The following NPTXR variants were observed in gnomAD, a reference collection of about 807,000 sequenced individuals.
NPTXR encodes neuronal pentraxin receptor.
A neutral mutation model predicts 32.2 loss-of-function variants in NPTXR; 12 were observed. The observed-to-expected ratio is 0.37, with a 90% confidence interval of 0.24 to 0.60. NPTXR has a LOEUF of 0.60. Among genes scored for constraint, NPTXR ranks in the 20% least tolerant of loss-of-function variants. NPTXR has a pLI of 0.66. For missense variants in NPTXR, 612 were observed against 682.9 expected, an observed-to-expected ratio of 0.90 and a Z score of 1.16; for synonymous variants, 323 against 315.8, an observed-to-expected ratio of 1.02 and a Z score of -0.24.
Position 38,843,705 on chromosome 22 carries a change from A to G in NPTXR, c.154T>C (p.Ser52Pro), listed in dbSNP as rs2146202180. The G allele has an allele frequency of 1.0e-6, 1 of 992,880 alleles. No individual in the cohort carries two copies. The highest frequency in any genetic ancestry group is 4.6e-5 in the South Asian group (1 of 21,958). The allele number at this position is 992,880 out of a possible 1,614,324, so 61.5% of individuals were successfully genotyped here. Residue 52 changes from serine (S) to proline (P), a missense_variant, in exon 1 of 5, where the codon TCC (serine) becomes CCC (proline). Physicochemically the swap from Ser to Pro is moderately conservative, Grantham distance 74 (BLOSUM62 -1). Transcript: ENST00000333039. This position sits in a 1 kb window ranked among gnomAD's most constrained non-coding sequence, Gnocchi z 5.3. ...CTCAGGCTCCGCTGCGGGCCCGGGG[A>G]CGCGGCGGCGCCCGAGGCGACCGAA...
At chr22:38,842,734 A>T (rs1479052081) in intron 1 of NPTXR, among the ~76,000 whole-genome samples, 1 of 152,104 alleles carries the variant, frequency 6.6e-6, no homozygotes, top group Non-Finnish European at 1.5e-5. Flanking sequence ...GGTTTGTCTT[A>T]TAGGGCACTC....
intron 1 of NPTXR, among the ~76,000 whole-genome samples, chr22:38,833,984 C>G (rs2054096305): frequency 6.6e-6 from 1 of 152,108 alleles, no homozygotes. Flanking sequence ...AGTATTTATG[C>G]CTTTTTGCCC....
chr22:38,843,589 C>T lies in NPTXR; in HGVS notation c.270G>A (p.Leu90=). 1 of 1,200,296 alleles carries T rather than the reference C, an allele frequency of 8.3e-7. No individual in the cohort carries two copies. The highest frequency in any genetic ancestry group is 1.0e-6 in the Non-Finnish European group (1 of 968,172). 74.4% of individuals were successfully genotyped at this position (1,200,296 alleles called of 1,614,324 possible). A position where few individuals can be genotyped will look rare whatever the true frequency, so the allele number is the denominator to read the frequency against. Residue 90 remains leucine, a synonymous_variant, in exon 1 of 5, where the codon CTG becomes CTA. Coordinates refer to ENST00000333039, the MANE Select transcript of NPTXR (RefSeq NM_014293.4). The surrounding 1 kb of genome is among the most constrained non-coding windows in gnomAD (Gnocchi z 5.3). ...GCGGCGTGCACAGGAAGCGGCTGAA[C>T]AGGGGCCCGGGCGGCAGCGGGTGCG...
chr22:38,824,735 T>C (rs2093103688), intron 3 of NPTXR, among the ~76,000 whole-genome samples: 1 of 152,098 alleles, frequency 6.6e-6, no homozygotes, highest in Non-Finnish European at 1.5e-5. Context: ...GTGCTGAACT[T>C]GGGCCAGGCC....
At chr22:38,841,127 C>T (rs1023337194) in intron 1 of NPTXR, among the ~76,000 whole-genome samples, 16 of 152,336 alleles carry the variant, frequency 1.1e-4, no homozygotes, top group African/African-American at 3.6e-4. Context: ...CATGGGACTC[C>T]GCTGAGCCAA....
At position 38,843,177 on chromosome 22, in the gene NPTXR, C is replaced by A; in HGVS notation, c.624+58G>T. The A allele has an allele frequency of 1.6e-6, 2 of 1,257,776 alleles. No homozygotes were observed. Among genetic ancestry groups the A allele is most frequent in the South Asian group, 2.8e-5 (1 of 36,228 alleles). 77.9% of individuals were successfully genotyped at this position (1,257,776 alleles called of 1,614,324 possible). On this transcript the variant is annotated intron_variant, in intron 1 of 4. Transcript: ENST00000333039. The surrounding 1 kb of genome is among the most constrained non-coding windows in gnomAD (Gnocchi z 5.3). ...AGGCTCGGGGACCGCCGGACGACCG[C>A]GGCCGGGCGGCCCCTCACACCACCC...
chr22:38,835,387 G>C (rs889896933), intron 1 of NPTXR, among the ~76,000 whole-genome samples: 16 of 152,218 alleles, frequency 1.1e-4, no homozygotes, highest in African/African-American at 3.9e-4. Flanking sequence ...TCCTACCCAG[G>C]TGGGGAACAG....
At chr22:38,839,245 C>T (rs1292698923) in intron 1 of NPTXR, among the ~76,000 whole-genome samples, 8 of 152,206 alleles carry the variant, frequency 5.3e-5, no homozygotes, top group African/African-American at 1.9e-4. Flanking sequence ...CCGTTGTATA[C>T]ATACATTAAA....
intron 1 of NPTXR, among the ~76,000 whole-genome samples, chr22:38,840,549 G>A (rs2093130359): frequency 6.6e-6 from 1 of 152,024 alleles, no homozygotes; most frequent in African/African-American, 2.4e-5. Context: ...ATCAGAACTG[G>A]GGGGAGAGGG....
chr22:38,830,301 T>G (rs1229368726), intron 1 of NPTXR, among the ~76,000 whole-genome samples: 1 of 151,746 alleles, frequency 6.6e-6, no homozygotes, highest in Non-Finnish European at 1.5e-5. Context: ...AATGATGGCG[T>G]GTAAGGGAAG....
chr22:38,826,878 T>C, intron 2 of NPTXR, 131 bp from the exon 3 acceptor site: 1 of 1,014,830 alleles, frequency 9.9e-7, no homozygotes, highest in Non-Finnish European at 1.4e-6. Context: ...TTCAGGGCTC[T>C]CTCTGCTCCA....
At chr22:38,832,012 C>T (rs1349186858) in intron 1 of NPTXR, among the ~76,000 whole-genome samples, 1 of 152,164 alleles carries the variant, frequency 6.6e-6, no homozygotes, top group Non-Finnish European at 1.5e-5. Context: ...GGGAGGAAGA[C>T]TTGCCAGGAA....
In NPTXR at chr22:38,822,966, G is replaced by T. The variant is rs932732128; in HGVS notation, c.1278+117C>A. 12 of 1,464,484 alleles carry T rather than the reference G, an allele frequency of 8.2e-6. No individual in the cohort carries two copies. In the African/African-American group the frequency reaches 1.5e-4, roughly 19 times the overall value. The allele number at this position is 1,464,484 out of a possible 1,614,324, so 90.7% of individuals were successfully genotyped here. The stretch of plus-strand genomic sequence containing the variant: ...ACCCCACTGAAGCCCCACCGCCAAC[G>T]CTCTAGCCCCACCTTCAAGATTCTA... On this transcript the variant is annotated intron_variant, in intron 4 of 4. Coordinates refer to ENST00000333039, the MANE Select transcript of NPTXR (RefSeq NM_014293.4).
chr22:38,838,792 AG>A (rs2093128096), intron 1 of NPTXR, among the ~76,000 whole-genome samples: 1 of 151,948 alleles, frequency 6.6e-6, no homozygotes, highest in South Asian at 2.1e-4. Flanking sequence ...CGTGTTAGCC[AG>A]GATGGTCTCG....
In NPTXR at chr22:38,832,558, C is replaced by T. The variant is rs112097192; in HGVS notation, c.625-4046G>A. On this transcript the variant is annotated intron_variant, in intron 1 of 4. Coordinates refer to ENST00000333039, the MANE Select transcript of NPTXR (RefSeq NM_014293.4). The stretch of plus-strand genomic sequence containing the variant: ...TGCTAACGGCAGCAGCTGTCTCCAT[C>T]GAGCACTCGCTGCATGCCAGGCCCC... Among the ~76,000 whole-genome samples the T allele has an allele frequency of 2.1e-3, 315 of 152,326 alleles. 2 individuals carry two copies. Among genetic ancestry groups the T allele is most frequent in the African/African-American group, 7.2e-3 (299 of 41,570 alleles).
At chr22:38,823,451 C>T (rs1042372107) in intron 3 of NPTXR, among the ~76,000 whole-genome samples, 189 bp from the exon 4 acceptor site, 2 of 152,240 alleles carry the variant, frequency 1.3e-5, no homozygotes, top group African/African-American at 2.4e-5. Context: ...AAAGACCAAA[C>T]CAGATCACAA....
chr22:38,825,789 C>T (rs1006085035), intron 3 of NPTXR, among the ~76,000 whole-genome samples: 5 of 151,968 alleles, frequency 3.3e-5, no homozygotes, highest in African/African-American at 1.2e-4. Flanking sequence ...CAAGCACTCC[C>T]TTCCTCCCTC....
intron 1 of NPTXR, among the ~76,000 whole-genome samples, chr22:38,829,447 G>A (rs1440118263): frequency 6.6e-6 from 1 of 152,176 alleles, no homozygotes; most frequent in Non-Finnish European, 1.5e-5. Flanking sequence ...GAGGAACGCA[G>A]GTGAGGCCGC....
In NPTXR at chr22:38,831,038, C is replaced by T. The variant is rs545179350; in HGVS notation, c.625-2526G>A. On this transcript the variant is annotated intron_variant, in intron 1 of 4. Coordinates refer to ENST00000333039, the MANE Select transcript of NPTXR (RefSeq NM_014293.4). ...CCGCTTACATTCATCTTTGCTTTCC[C>T]GAGGGCTCCTTCTGTCAAGGTGCCT... is the stretch of plus-strand genomic sequence containing the variant. Among the ~76,000 whole-genome samples, 10 of 152,330 alleles carry T rather than the reference C, an allele frequency of 6.6e-5. No homozygotes were observed. The South Asian group carries it at 1.7e-3, about 25-fold the overall frequency.
Sources: gnomAD v4.1 joint callset for allele counts (sites outside exome capture counted in the v4.1 genomes callset) on GRCh38, gnomAD v4.1.1 for gene constraint, Gnocchi (gnomAD v3.1) non-coding constraint, MANE v1.5 for transcripts, NCBI Gene and HGNC (gene_info 2026-07-23, HGNC 2026-07-21) for gene names.